The following KCNK2 variants were observed in gnomAD, a reference collection of about 807,000 sequenced individuals.
The protein encoded by KCNK2 is potassium two pore domain channel subfamily K member 2.
In KCNK2, 21 loss-of-function variants were observed where a neutral mutation model predicts 40.5. That is an observed-to-expected ratio of 0.52 (90% CI 0.37 to 0.75). The LOEUF is 0.75. Among genes scored for constraint, KCNK2 ranks in the 30% least tolerant of loss-of-function variants. KCNK2 has a pLI of 0.00. For synonymous variants in KCNK2, 191 were observed against 202.2 expected (o/e 0.94, Z 0.47); for missense variants, 399 against 531.6 (o/e 0.75, Z 2.45).
chr1:215,210,038 T>C (rs1571735389), intron 6 of KCNK2, among the ~76,000 whole-genome samples: 1 of 105,850 alleles, frequency 9.4e-6, no homozygotes, highest in African/African-American at 3.6e-5. Context: ...ATATATAATA[T>C]ATATAATATA....
chr1:215,225,132 A>G (rs1345826885), intron 6 of KCNK2, among the ~76,000 whole-genome samples: 1 of 152,234 alleles, frequency 6.6e-6, no homozygotes, highest in Admixed American at 6.5e-5. Context: ...ATAGATATTC[A>G]ACAGGTAATT....
chr1:215,013,761 A>T (rs1020779173), intron 1 of KCNK2, among the ~76,000 whole-genome samples: 1 of 152,152 alleles, frequency 6.6e-6, no homozygotes, highest in Non-Finnish European at 1.5e-5. Context: ...TGATTTTTGC[A>T]TATTGACATG....
At chr1:215,218,651 A>G (rs1666048907) in intron 6 of KCNK2, among the ~76,000 whole-genome samples, 1 of 151,712 alleles carries the variant, frequency 6.6e-6, no homozygotes, top group Admixed American at 6.6e-5. Context: ...CAAAACTACC[A>G]TTTTCACCTC....
chr1:215,226,312 GTTTT>G (rs951568115), intron 6 of KCNK2, among the ~76,000 whole-genome samples: 6 of 151,878 alleles, frequency 4.0e-5, no homozygotes, highest in African/African-American at 1.5e-4. Flanking sequence ...TGTTTGTCTT[GTTTT>G]TTATTTGTTT....
chr1:215,093,550 G>T (rs1380323308), intron 2 of KCNK2, among the ~76,000 whole-genome samples: 1 of 102,976 alleles, frequency 9.7e-6, no homozygotes, highest in Non-Finnish European at 1.8e-5. Context: ...ATACTATATT[G>T]TATATATAAG....
At chr1:215,113,156 C>T (rs1571626957) in intron 2 of KCNK2, among the ~76,000 whole-genome samples, 2 of 152,222 alleles carry the variant, frequency 1.3e-5, no homozygotes, top group Middle Eastern at 3.4e-3. Flanking sequence ...ATGCATCATA[C>T]ACGTGGATAA....
At chr1:215,096,298 A>G (rs1290935852) in intron 2 of KCNK2, among the ~76,000 whole-genome samples, 1 of 151,796 alleles carries the variant, frequency 6.6e-6, no homozygotes, top group Non-Finnish European at 1.5e-5. Context: ...TTTTTCAATT[A>G]CCATTGTTAG....
At chr1:215,175,379 G>T (rs1190890547) in intron 5 of KCNK2, among the ~76,000 whole-genome samples, 1 of 151,966 alleles carries the variant, frequency 6.6e-6, no homozygotes, top group Non-Finnish European at 1.5e-5. Flanking sequence ...TTAATGAAGG[G>T]AATATAATCA....
chr1:215,162,787 T>TCTGTTTTGGTACCAGTACCATG (rs1663260375), intron 3 of KCNK2, among the ~76,000 whole-genome samples: 2 of 152,092 alleles, frequency 1.3e-5, no homozygotes, highest in African/African-American at 4.8e-5. Context: ...TATATATACA[T>TCTGTTTTGGTACCAGTACCATG]CTGTTTTGGT....
intron 6 of KCNK2, among the ~76,000 whole-genome samples, chr1:215,205,936 T>C (rs1440287189): frequency 6.6e-6 from 1 of 152,224 alleles, no homozygotes; most frequent in African/African-American, 2.4e-5. Context: ...TAAGTTTTAT[T>C]TTAGCTTCCA....
At chr1:215,084,607 T>TC (rs111552083) in intron 1 of KCNK2, among the ~76,000 whole-genome samples, 4 of 152,046 alleles carry the variant, frequency 2.6e-5, no homozygotes, top group African/African-American at 4.8e-5. Context: ...CAGTTTTTTT[T>TC]AATTATAGCA....
chr1:215,109,566 T>TTGTGTG (rs138414671), intron 2 of KCNK2, among the ~76,000 whole-genome samples: 1 of 149,976 alleles, frequency 6.7e-6, no homozygotes, highest in African/African-American at 2.4e-5. Flanking sequence ...TGAGTATTAT[T>TTGTGTG]TGTGTGTGTG....
chr1:215,165,175 A>T (rs1303817184), intron 3 of KCNK2, among the ~76,000 whole-genome samples: 4 of 152,162 alleles, frequency 2.6e-5, no homozygotes, highest in Non-Finnish European at 4.4e-5. Context: ...TGCTTTCCAT[A>T]GCTTGCACCA....
chr1:215,052,836 A>G (rs1658034115), intron 1 of KCNK2, among the ~76,000 whole-genome samples: 2 of 152,192 alleles, frequency 1.3e-5, no homozygotes, highest in South Asian at 4.1e-4. Flanking sequence ...GTTTTGCATC[A>G]TGACTATTGG....
At chr1:215,154,708 T>C (rs1662838045) in intron 3 of KCNK2, among the ~76,000 whole-genome samples, 1 of 152,172 alleles carries the variant, frequency 6.6e-6, no homozygotes, top group Non-Finnish European at 1.5e-5. Context: ...GTTTTTATGG[T>C]TTTTGGTCTT....
chr1:215,208,161 A>G lies in KCNK2; in HGVS notation c.963+13069A>G, dbSNP rs994015106. On this transcript the variant is annotated intron_variant, in intron 6 of 6. Coordinates refer to ENST00000444842, the MANE Select transcript of KCNK2 (RefSeq NM_001017425.3). ...GACAGAATGGATACATATACACCAT[A>G]GAATACTACACAGCCATAAAAAAGA... Among the ~76,000 whole-genome samples the G allele has an allele frequency of 5.3e-5, 8 of 152,180 alleles. No homozygotes were observed. In the East Asian group the frequency reaches 1.5e-3, roughly 29 times the overall value.
At chr1:215,225,348 A>T (rs765593008) in intron 6 of KCNK2, among the ~76,000 whole-genome samples, 72 of 152,198 alleles carry the variant, frequency 4.7e-4, no homozygotes, top group Non-Finnish European at 9.4e-4. Context: ...TATTAGCCTC[A>T]AGATTATGCT....
chr1:215,078,296 A>G (rs1030864641), upstream of KCNK2, among the ~76,000 whole-genome samples: 2 of 152,212 alleles, frequency 1.3e-5, no homozygotes, highest in African/African-American at 4.8e-5. Flanking sequence ...CCTGGTTCAT[A>G]TGGTTGATCA....
At chr1:215,228,835 C>T (rs761718961) in intron 6 of KCNK2, among the ~76,000 whole-genome samples, 3 of 151,768 alleles carry the variant, frequency 2.0e-5, no homozygotes, top group African/African-American at 4.8e-5. Flanking sequence ...TGAATTTCTT[C>T]GAAAACAAAA....
Sources: gnomAD v4.1 joint callset for allele counts (sites outside exome capture counted in the v4.1 genomes callset) on GRCh38, gnomAD v4.1.1 for gene constraint, MANE v1.5 for transcripts, NCBI Gene and HGNC (gene_info 2026-07-23, HGNC 2026-07-21) for gene names.